PLEKHG3: variants seen among roughly 807,000 people sequenced by gnomAD.
PLEKHG3 encodes pleckstrin homology domain-containing family G member 3.
In PLEKHG3, 62 loss-of-function variants were observed where a neutral mutation model predicts 94.9. The ratio of observed to expected loss-of-function variants is 0.65; its 90% confidence interval spans 0.53 to 0.81. PLEKHG3 has a LOEUF of 0.81. Ranked by LOEUF, PLEKHG3 falls within the 30% of genes least tolerant of loss-of-function variation. The pLI, the probability that PLEKHG3 is intolerant of heterozygous loss-of-function variation, is 0.00. For synonymous variants in PLEKHG3, 614 were observed against 654.0 expected (o/e 0.94, Z 0.93); for missense variants, 1,461 against 1,619.3 (o/e 0.90, Z 1.68).
Position 64,738,798 on chromosome 14 carries a change from G to A in PLEKHG3, c.1461G>A (p.Arg487=). Residue 487 remains arginine, a synonymous_variant, in exon 15 of 17, where the codon CGG becomes CGA. Transcript: ENST00000247226. This position sits in a 1 kb window ranked among gnomAD's most constrained non-coding sequence, Gnocchi z 4.8. ...GGAGCAGCAGAAGGCCCAGTGGCCGGTCTCCAACCAGTACTGAGAAGCGCA... is the reference window on the plus strand; with the variant it reads ...GGAGCAGCAGAAGGCCCAGTGGCCGATCTCCAACCAGTACTGAGAAGCGCA... ...SSRSSRRPSG[R]SPTSTEKRMS... 6.2e-7 allele frequency: 1 copy of A among 1,601,030 alleles called. No homozygotes were observed. The highest frequency in any genetic ancestry group is 1.1e-5 in the South Asian group (1 of 88,458).
chr14:64,735,677 C>T (rs2081555691), intron 12 of PLEKHG3, among the ~76,000 whole-genome samples: 3 of 152,156 alleles, frequency 2.0e-5, no homozygotes, highest in African/African-American at 7.2e-5. Context: ...AACTGTAGAC[C>T]ACAAAAAGAT....
intron 15 of PLEKHG3, 92 bp from the exon 16 acceptor site, chr14:64,740,944 T>C (rs1430588372): frequency 4.8e-6 from 5 of 1,044,944 alleles, no homozygotes; most frequent in Non-Finnish European, 7.0e-6. Context: ...GTCCCTGTCA[T>C]TGGGCCTTGA....
In PLEKHG3 at chr14:64,738,830, T is replaced by C; in HGVS notation, c.1493T>C (p.Phe498Ser). 6.3e-7 allele frequency: 1 copy of C among 1,589,938 alleles called. No homozygotes were observed. The highest frequency in any genetic ancestry group is 8.6e-7 in the Non-Finnish European group (1 of 1,167,250). Residue 498 changes from phenylalanine (F) to serine (S), a missense_variant, in exon 15 of 17, where the codon TTC (phenylalanine) becomes TCC (serine). By Grantham distance (155) the Phe-to-Ser change is radical (BLOSUM62 -2). Transcript: ENST00000247226. The surrounding 1 kb of genome is among the most constrained non-coding windows in gnomAD (Gnocchi z 4.8). Reference sequence around the variant, plus strand: ...ACCAGTACTGAGAAGCGCATGAGCTTCGAGTCCATTTCTTCCCTGCCAGAG... The same window carrying C: ...ACCAGTACTGAGAAGCGCATGAGCTCCGAGTCCATTTCTTCCCTGCCAGAG... The part of the protein sequence containing the change: ...SPTSTEKRMS[F>S]ESISSLPEVE...
At position 64,718,455 on chromosome 14, in the gene PLEKHG3, A is replaced by G. The variant is rs1279319461; in HGVS notation, c.-39-9138A>G. Among the ~76,000 whole-genome samples the G allele has an allele frequency of 6.6e-6, 1 of 152,180 alleles. No homozygotes were observed. Among genetic ancestry groups the G allele is most frequent in the Non-Finnish European group, 1.5e-5 (1 of 68,032 alleles). Reference sequence around the variant, plus strand: ...GCCTTGTCTTGTTTTGCCTTATAGCATATAAGCTCTGAAGAGTGGAGTCTG... The same window carrying G: ...GCCTTGTCTTGTTTTGCCTTATAGCGTATAAGCTCTGAAGAGTGGAGTCTG... On this transcript the variant is annotated intron_variant, in intron 1 of 16. Coordinates refer to ENST00000247226, the MANE Select transcript of PLEKHG3 (RefSeq NM_001308147.2). The surrounding 1 kb of genome is among the most constrained non-coding windows in gnomAD (Gnocchi z 5.0).
At position 64,750,114 on chromosome 14, in the gene PLEKHG3, G is replaced by T. The variant is rs1427006989; in HGVS notation, c.*6411G>T. 6.2e-7 allele frequency: 1 copy of T among 1,614,032 alleles called. No individual in the cohort carries two copies. The highest frequency in any genetic ancestry group is 1.7e-5 in the Admixed American group (1 of 60,004). The stretch of plus-strand genomic sequence containing the variant: ...TTCTTGGCATCCTTGTAGAAGGTTA[G>T]CTCACTGTTCCTGAGCACACAGTAC... On this transcript the variant is annotated 3_prime_UTR_variant, in exon 17 of 17. Transcript: ENST00000247226.
At position 64,704,681 on chromosome 14, in the gene PLEKHG3, A is replaced by G. The variant is rs2080944168; in HGVS notation, c.-63A>G. ...AGCCCCGCACGCCGTGCGCGTCCCG[A>G]GCCCGCGGGGCAGCTACCGCTCGGT... is the stretch of plus-strand genomic sequence containing the variant. On this transcript the variant is annotated 5_prime_UTR_variant, in exon 1 of 17. Transcript: ENST00000247226. The surrounding 1 kb of genome is among the most constrained non-coding windows in gnomAD (Gnocchi z 5.6). 1 of 152,420 alleles carries G rather than the reference A, an allele frequency of 6.6e-6. No homozygotes were observed. The highest frequency in any genetic ancestry group is 1.5e-5 in the Non-Finnish European group (1 of 68,266). 9.4% of individuals were successfully genotyped at this position (152,420 alleles called of 1,614,324 possible). A position where few individuals can be genotyped will look rare whatever the true frequency, so the allele number is the denominator to read the frequency against.
At position 64,741,614 on chromosome 14, in the gene PLEKHG3, G is replaced by T; in HGVS notation, c.2097G>T (p.Arg699=). 6.2e-7 allele frequency: 1 copy of T among 1,612,946 alleles called. No individual in the cohort carries two copies. The highest frequency in any genetic ancestry group is 1.1e-5 in the South Asian group (1 of 91,080). The change falls in exon 16 of 17, where the codon CGG becomes CGT. Residue 699 remains arginine, a synonymous_variant. Coordinates refer to ENST00000247226, the MANE Select transcript of PLEKHG3 (RefSeq NM_001308147.2). ...CAGGCTGCCCAGTGGAGCCTGACCG[G>T]TCTTCCTGCAAGAAGAAGGAATCAG... ...PSPGCPVEPD[R]SSCKKKESAL...
In PLEKHG3 at chr14:64,716,052, A is replaced by ACCCT. The variant is rs1390017939; in HGVS notation, c.-40+11350_-40+11353dup. The stretch of plus-strand genomic sequence containing the variant: ...CAATGCGGCTGCCCGGCCCCTCGCC[A>ACCCT]CCCTCGTGGTGCCCGGATGGGAGCT... On this transcript the variant is annotated intron_variant, in intron 1 of 16. Transcript: ENST00000247226. The surrounding 1 kb of genome is among the most constrained non-coding windows in gnomAD (Gnocchi z 5.0). 2.2e-6 allele frequency: 1 copy of ACCCT among 456,246 alleles called. No individual in the cohort carries two copies. Among genetic ancestry groups the ACCCT allele is most frequent in the Non-Finnish European group, 4.4e-6 (1 of 226,736 alleles). 28.3% of individuals were successfully genotyped at this position (456,246 alleles called of 1,614,324 possible).
Position 64,738,739 on chromosome 14 carries a change from C to A in PLEKHG3, c.1405-3C>A. The A allele has an allele frequency of 1.3e-6, 2 of 1,568,340 alleles. No homozygotes were observed. The highest frequency in any genetic ancestry group is 1.7e-6 in the Non-Finnish European group (2 of 1,153,922). ...AGTTGATGACTGACCTCTACCTCTGCAGGGAAAGGGGCGCAGGGAGTCTGA... is the reference window on the plus strand; with the variant it reads ...AGTTGATGACTGACCTCTACCTCTGAAGGGAAAGGGGCGCAGGGAGTCTGA... On this transcript the variant is annotated splice_region_variant and splice_polypyrimidine_tract_variant and intron_variant, in intron 14 of 16. Coordinates refer to ENST00000247226, the MANE Select transcript of PLEKHG3 (RefSeq NM_001308147.2). The surrounding 1 kb of genome is among the most constrained non-coding windows in gnomAD (Gnocchi z 4.8).
At position 64,721,173 on chromosome 14, in the gene PLEKHG3, G is replaced by C. The variant is rs183333498; in HGVS notation, c.-39-6420G>C. Among the ~76,000 whole-genome samples, 65 of 152,310 alleles carry C rather than the reference G, an allele frequency of 4.3e-4. No individual in the cohort carries two copies. Among genetic ancestry groups the C allele is most frequent in the African/African-American group, 1.5e-3 (64 of 41,564 alleles). Reference sequence around the variant, plus strand: ...CAGCTTACACTAGTGTGTATGTTGGGAAATGGTTGAGGAGGCCTTTCTCTG... The same window carrying C: ...CAGCTTACACTAGTGTGTATGTTGGCAAATGGTTGAGGAGGCCTTTCTCTG... On this transcript the variant is annotated intron_variant, in intron 1 of 16. Coordinates refer to ENST00000247226, the MANE Select transcript of PLEKHG3 (RefSeq NM_001308147.2). The surrounding 1 kb of genome is among the most constrained non-coding windows in gnomAD (Gnocchi z 4.3).
rs1022670637 is a variant in PLEKHG3 at position 64,749,592 on chromosome 14, G to T, written c.*5889G>T. On this transcript the variant is annotated 3_prime_UTR_variant, in exon 17 of 17. Coordinates refer to ENST00000247226, the MANE Select transcript of PLEKHG3 (RefSeq NM_001308147.2). This position sits in a 1 kb window ranked among gnomAD's most constrained non-coding sequence, Gnocchi z 4.7. ...TTCTGAGGGGGCCTCCAGGGCAAGC[G>T]GCCTGGGGTCCTCCACCTACCCCCT... 19 of 1,609,928 alleles carry T rather than the reference G, an allele frequency of 1.2e-5. No individual in the cohort carries two copies. In the African/African-American group the frequency reaches 2.1e-4, roughly 18 times the overall value.
In PLEKHG3 at chr14:64,749,427, T is replaced by G. The variant is rs762253784; in HGVS notation, c.*5724T>G. 63 of 1,605,324 alleles carry G rather than the reference T, an allele frequency of 3.9e-5. No homozygotes were observed. Among genetic ancestry groups the G allele is most frequent in the Non-Finnish European group, 4.9e-5 (58 of 1,179,340 alleles). On this transcript the variant is annotated 3_prime_UTR_variant, in exon 17 of 17. Coordinates refer to ENST00000247226, the MANE Select transcript of PLEKHG3 (RefSeq NM_001308147.2). This position sits in a 1 kb window ranked among gnomAD's most constrained non-coding sequence, Gnocchi z 4.7. ...CGCCTTGACGCGGATGCTCTGGGAC[T>G]CGTTGATGGCGGTGCTCACGCCCTG...
chr14:64,717,705 A>G lies in PLEKHG3; in HGVS notation c.-39-9888A>G, dbSNP rs956707883. On this transcript the variant is annotated intron_variant, in intron 1 of 16. Transcript: ENST00000247226. This position sits in a 1 kb window ranked among gnomAD's most constrained non-coding sequence, Gnocchi z 4.7. Reference sequence around the variant, plus strand: ...GAATGGGTCTCATTCTTTCTAGCTAATGTTCCCTCGATCTCTCGCTCCTCC... The same window carrying G: ...GAATGGGTCTCATTCTTTCTAGCTAGTGTTCCCTCGATCTCTCGCTCCTCC... Among the ~76,000 whole-genome samples, 2 of 152,264 alleles carry G rather than the reference A, an allele frequency of 1.3e-5. No individual in the cohort carries two copies. The highest frequency in any genetic ancestry group is 2.9e-5 in the Non-Finnish European group (2 of 68,012).
chr14:64,719,904 G>A (rs759731408), intron 1 of PLEKHG3, among the ~76,000 whole-genome samples: 18 of 152,180 alleles, frequency 1.2e-4, no homozygotes, highest in Non-Finnish European at 2.5e-4. Flanking sequence ...GATGAGAGAG[G>A]TGGGGCCTCT....
rs1566721287 is a variant in PLEKHG3, at chr14:64,743,429, C to T, written c.3386C>T (p.Thr1129Ile). 6.2e-7 allele frequency: 1 copy of T among 1,612,796 alleles called. No individual in the cohort carries two copies. Among genetic ancestry groups the T allele is most frequent in the Admixed American group, 1.7e-5 (1 of 60,020 alleles). The change falls in exon 17 of 17, where the codon ACC (threonine) becomes ATC (isoleucine). Residue 1129 changes from threonine (T) to isoleucine (I), a missense_variant. Thr to Ile is a moderately conservative substitution (Grantham distance 89). Around this residue, in one of 3 missense-constraint regions of PLEKHG3, gnomAD observed 1,201 missense variants for 1,295.5 expected, o/e 0.93. Coordinates refer to ENST00000247226, the MANE Select transcript of PLEKHG3 (RefSeq NM_001308147.2). The surrounding 1 kb of genome is among the most constrained non-coding windows in gnomAD (Gnocchi z 7.2). ...CAGAGCAAGCCGGATGGAGGCGAGA[C>T]CCTGTATGTCACTGCAGACCTCACC... ...LPQSKPDGGETLYVTADLTLE... is the reference protein window; with the variant it reads ...LPQSKPDGGEILYVTADLTLE...
In PLEKHG3 at chr14:64,729,691, A is replaced by G. The variant is rs188263797; in HGVS notation, c.450-552A>G. On this transcript the variant is annotated intron_variant, in intron 3 of 16. Coordinates refer to ENST00000247226, the MANE Select transcript of PLEKHG3 (RefSeq NM_001308147.2). ...GAAGAATCGTATCCCAGGCCCCTTAAGATGGGCAGAGGGAGCTCTGGCTGT... is the reference window on the plus strand; with the variant it reads ...GAAGAATCGTATCCCAGGCCCCTTAGGATGGGCAGAGGGAGCTCTGGCTGT... Among the ~76,000 whole-genome samples the G allele has an allele frequency of 5.4e-3, 818 of 152,282 alleles. 21 individuals are homozygous for G. The highest frequency in any genetic ancestry group is 4.0e-3 in the Non-Finnish European group (273 of 68,010).
Position 64,727,753 on chromosome 14 carries a change from G to A in PLEKHG3, c.122G>A (p.Ser41Asn). The change falls in exon 2 of 17, where the codon AGC (serine) becomes AAC (asparagine). Residue 41 changes from serine to asparagine, a missense_variant. Physicochemically the swap from Ser to Asn is conservative, Grantham distance 46 (BLOSUM62 1). Transcript: ENST00000247226. The surrounding 1 kb of genome is among the most constrained non-coding windows in gnomAD (Gnocchi z 6.0). The stretch of plus-strand genomic sequence containing the variant: ...CGCAGTGCCATGGAGGAGCCCAGCA[G>A]CTCCGAGGCTCCCGCCAAGAATGGG... ...DSRSAMEEPS[S>N]SEAPAKNGAG... The A allele has an allele frequency of 6.2e-7, 1 of 1,611,480 alleles. No individual in the cohort carries two copies. Among genetic ancestry groups the A allele is most frequent in the Non-Finnish European group, 8.5e-7 (1 of 1,178,672 alleles).
chr14:64,721,951 ATC>A lies in PLEKHG3; in HGVS notation c.-39-5634_-39-5633del, dbSNP rs2081268744. Among the ~76,000 whole-genome samples the A allele has an allele frequency of 6.6e-6, 1 of 151,834 alleles. No individual in the cohort carries two copies. Among genetic ancestry groups the A allele is most frequent in the African/African-American group, 2.4e-5 (1 of 41,374 alleles). ...TTAGTTGAGATCTTAGTTGAGAGAG[ATC>A]TCTCTCTGGAAGTTCACATTGCTCC... On this transcript the variant is annotated intron_variant, in intron 1 of 16. Coordinates refer to ENST00000247226, the MANE Select transcript of PLEKHG3 (RefSeq NM_001308147.2). The surrounding 1 kb of genome is among the most constrained non-coding windows in gnomAD (Gnocchi z 4.3).
At chr14:64,705,385 C>T (rs369921578) in intron 1 of PLEKHG3, among the ~76,000 whole-genome samples, 1 of 152,202 alleles carries the variant, frequency 6.6e-6, no homozygotes, top group African/African-American at 2.4e-5. Flanking sequence ...CTCTTCGGGG[C>T]GCCTTTGGAA....
Sources: gnomAD v4.1 joint callset for allele counts (sites outside exome capture counted in the v4.1 genomes callset) on GRCh38, gnomAD v4.1.1 for gene constraint, gnomAD v4.1.1 regional missense constraint, Gnocchi (gnomAD v3.1) non-coding constraint, MANE v1.5 for transcripts, NCBI Gene and HGNC (gene_info 2026-07-23, HGNC 2026-07-21) for gene names.